Variants in ZMAT4 observed in about 807,000 individuals in gnomAD.
The protein encoded by ZMAT4 is zinc finger matrin-type protein 4.
In ZMAT4, 17 loss-of-function variants were observed where a neutral mutation model predicts 28.7. The observed-to-expected ratio is 0.59, with a 90% CI of 0.41 to 0.89. The LOEUF is 0.89. ZMAT4 is among the 40% of genes least tolerant of loss of function. ZMAT4 has a pLI of 0.00. For missense variants in ZMAT4, 240 were observed against 283.8 expected (o/e 0.85, Z 1.11); for synonymous variants, 117 against 109.2 (o/e 1.07, Z -0.44).
chr8:40,758,617 CA>C (rs1179536169), intron 3 of ZMAT4, among the ~76,000 whole-genome samples: 4 of 151,422 alleles, frequency 2.6e-5, no homozygotes, highest in South Asian at 4.2e-4. Flanking sequence ...GAACAGCACA[CA>C]AAAAAATTAC....
intron 1 of ZMAT4, among the ~76,000 whole-genome samples, chr8:40,887,928 C>G (rs1818523170): frequency 6.6e-6 from 1 of 152,090 alleles, no homozygotes; most frequent in Non-Finnish European, 1.5e-5. Flanking sequence ...AAGTTCACGC[C>G]AGGTCTCAGC....
intron 2 of ZMAT4, among the ~76,000 whole-genome samples, chr8:40,817,620 A>G (rs946942414): frequency 6.6e-6 from 1 of 152,184 alleles, no homozygotes; most frequent in African/African-American, 2.4e-5. Context: ...TATCGTCACC[A>G]TTGAAAAGTG....
chr8:40,714,707 T>C (rs1301186001), intron 3 of ZMAT4, among the ~76,000 whole-genome samples: 2 of 152,174 alleles, frequency 1.3e-5, no homozygotes, highest in Non-Finnish European at 2.9e-5. Context: ...TTATGTTAGT[T>C]AGTCATGCTT....
chr8:40,829,248 C>G (rs540568081), intron 1 of ZMAT4, among the ~76,000 whole-genome samples: 1 of 152,238 alleles, frequency 6.6e-6, no homozygotes, highest in Non-Finnish European at 1.5e-5. Context: ...CTCCCAGGCC[C>G]AGCACATTGC....
intron 3 of ZMAT4, among the ~76,000 whole-genome samples, chr8:40,721,905 G>C (rs1315314936): frequency 4.6e-5 from 7 of 152,000 alleles, no homozygotes; most frequent in South Asian, 2.1e-4. Context: ...ACAAACCTGA[G>C]AAAAACAAGC....
intron 5 of ZMAT4, among the ~76,000 whole-genome samples, chr8:40,618,078 C>T (rs1208249458): frequency 1.3e-5 from 2 of 152,188 alleles, no homozygotes; most frequent in African/African-American, 4.8e-5. Flanking sequence ...CTCATCATTG[C>T]TTTCTGTACA....
intron 5 of ZMAT4, among the ~76,000 whole-genome samples, chr8:40,648,107 C>G (rs182845126): frequency 1.3e-5 from 2 of 152,164 alleles, no homozygotes; most frequent in Non-Finnish European, 2.9e-5. Context: ...AAGGCGGCTT[C>G]AGACGATCAA....
intron 3 of ZMAT4, among the ~76,000 whole-genome samples, chr8:40,700,561 G>C (rs898198082): frequency 2.0e-5 from 3 of 151,966 alleles, no homozygotes; most frequent in African/African-American, 7.3e-5. Context: ...TAGGATCACA[G>C]GCACATGCCA....
chr8:40,626,842 A>G (rs1449331846), intron 5 of ZMAT4, among the ~76,000 whole-genome samples: 1 of 152,214 alleles, frequency 6.6e-6, no homozygotes, highest in Non-Finnish European at 1.5e-5. Context: ...ACAGCTGCAC[A>G]CAGAGAAGCT....
intron 5 of ZMAT4, among the ~76,000 whole-genome samples, chr8:40,601,626 GAAAGAA>G (rs1805359944): frequency 3.9e-5 from 1 of 25,730 alleles, no homozygotes; most frequent in Non-Finnish European, 1.1e-4. Flanking sequence ...AAGAAAGAAA[GAAAGAA>G]AGAGAAAGAA....
At chr8:40,841,972 T>C (rs1216063135) in intron 1 of ZMAT4, among the ~76,000 whole-genome samples, 2 of 152,130 alleles carry the variant, frequency 1.3e-5, no homozygotes, top group Non-Finnish European at 2.9e-5. Flanking sequence ...GGTGTAGACA[T>C]TCCAGTGTCT....
intron 1 of ZMAT4, among the ~76,000 whole-genome samples, chr8:40,871,632 G>T (rs936761791): frequency 5.3e-5 from 8 of 152,164 alleles, no homozygotes; most frequent in Non-Finnish European, 8.8e-5. Context: ...AGCAATGAAG[G>T]GTACCATTGC....
intron 2 of ZMAT4, among the ~76,000 whole-genome samples, chr8:40,823,381 G>A (rs942481083): frequency 2.6e-5 from 4 of 152,060 alleles, no homozygotes; most frequent in South Asian, 2.1e-4. Flanking sequence ...AAATCTGGCC[G>A]GACACGGTGG....
chr8:40,578,553 T>C (rs73622430), intron 6 of ZMAT4, among the ~76,000 whole-genome samples: 1 of 152,110 alleles, frequency 6.6e-6, no homozygotes, highest in Non-Finnish European at 1.5e-5. Flanking sequence ...TTGATTTTTA[T>C]AAACAGACAA....
At chr8:40,892,059 G>T (rs1234664737) in intron 1 of ZMAT4, among the ~76,000 whole-genome samples, 3 of 152,122 alleles carry the variant, frequency 2.0e-5, no homozygotes. Context: ...CCACGTGTGT[G>T]GCGGTGTGCA....
chr8:40,732,211 G>A (rs947619349), intron 3 of ZMAT4, among the ~76,000 whole-genome samples: 12 of 151,946 alleles, frequency 7.9e-5, no homozygotes, highest in African/African-American at 2.7e-4. Context: ...TGCCTAAGAC[G>A]GTAAATTTTA....
chr8:40,673,007 T>C (rs71519566), intron 5 of ZMAT4, among the ~76,000 whole-genome samples: 2 of 152,362 alleles, frequency 1.3e-5, no homozygotes, highest in South Asian at 4.1e-4. Context: ...CTTTTTTTGT[T>C]GTTTTTAATC....
At chr8:40,859,627 A>G (rs1169558860) in intron 1 of ZMAT4, among the ~76,000 whole-genome samples, 1 of 152,224 alleles carries the variant, frequency 6.6e-6, no homozygotes, top group African/African-American at 2.4e-5. Context: ...CTCCTCTACA[A>G]GTCTATACAT....
rs183995860 is a variant in ZMAT4, at chr8:40,573,613, G to A, written c.674+7552C>T. Reference sequence around the variant, plus strand: ...AAGGCCATATTCTGAGGCTCTGAGGGGATCCTGAATTTTGGAAAGACATTA... The same window carrying A: ...AAGGCCATATTCTGAGGCTCTGAGGAGATCCTGAATTTTGGAAAGACATTA... On this transcript the variant is annotated intron_variant, in intron 6 of 6. Coordinates refer to ENST00000297737, the MANE Select transcript of ZMAT4 (RefSeq NM_024645.3). Among the ~76,000 whole-genome samples, 82 of 152,238 alleles carry A rather than the reference G, an allele frequency of 5.4e-4. 1 individual carries two copies. The highest frequency in any genetic ancestry group is 2.0e-3 in the Admixed American group (31 of 15,284).
Sources: allele counts gnomAD v4.1 joint callset (sites outside exome capture counted in the v4.1 genomes callset), GRCh38; gene constraint gnomAD v4.1.1; transcripts MANE v1.5; gene names NCBI Gene and HGNC (gene_info 2026-07-23, HGNC 2026-07-21).